INTS6: variants seen among roughly 807,000 people sequenced by gnomAD.
INTS6 encodes integrator complex subunit 6, also known as DEAD box protein.
A neutral mutation model predicts 104.9 loss-of-function variants in INTS6; 16 were observed. The observed-to-expected ratio is 0.15, with a 90% CI of 0.10 to 0.23. The LOEUF (loss-of-function observed/expected upper bound fraction) is 0.23, where lower values mean the gene tolerates loss of function less well. Ranked by LOEUF, INTS6 falls within the 10% of genes least tolerant of loss-of-function variation. The pLI is 1.00. For missense variants in INTS6, 584 were observed against 1,062.8 expected, an observed-to-expected ratio of 0.55 and a Z score of 6.26; for synonymous variants, 324 against 358.7, an observed-to-expected ratio of 0.90 and a Z score of 1.09.
At chr13:51,430,519 ATT>A in intron 3 of INTS6, 136 bp from the exon 4 acceptor site, 2 of 553,500 alleles carry the variant, frequency 3.6e-6, no homozygotes, top group Non-Finnish European at 6.2e-6. Flanking sequence ...CTGTTTGTAC[ATT>A]TTAAGAAAAG....
intron 4 of INTS6, chr13:51,422,976 T>C (rs116927067): frequency 0.011 from 10,981 of 990,228 alleles, 78 homozygotes; most frequent in Non-Finnish European, 0.014. Flanking sequence ...GAACCTTCTG[T>C]TTATTTCTGC....
intron 4 of INTS6, among the ~76,000 whole-genome samples, chr13:51,420,161 T>G (rs1463012806): frequency 6.6e-6 from 1 of 152,162 alleles, no homozygotes; most frequent in Non-Finnish European, 1.5e-5. Context: ...CAGAATTTCC[T>G]TTGTATAAAT....
chr13:51,365,927 A>G (rs1195545361), intron 17 of INTS6, 82 bp from the exon 18 acceptor site: 15 of 714,288 alleles, frequency 2.1e-5, no homozygotes, highest in Non-Finnish European at 3.3e-5. Context: ...GAAAGGAGAG[A>G]AAATTTTGGG....
chr13:51,449,397 A>C (rs7997510), intron 3 of INTS6: 4 of 872,510 alleles, frequency 4.6e-6, no homozygotes, highest in Non-Finnish European at 5.5e-6. Context: ...CTGGGGGCAG[A>C]TATCAACTGG....
intron 8 of INTS6, 24 bp downstream of exon 8, chr13:51,383,565 G>A (rs1956089414): frequency 6.2e-7 from 1 of 1,605,924 alleles, no homozygotes; most frequent in Non-Finnish European, 8.5e-7. Context: ...AAATTTTGGG[G>A]TCACTGTAAG....
At chr13:51,385,009 CCTAA>C (rs1285802930) in intron 7 of INTS6, 17 of 206,744 alleles carry the variant, frequency 8.2e-5, no homozygotes, top group African/African-American at 3.8e-4. Flanking sequence ...CAGCCAATCA[CCTAA>C]AAATAGGGTC....
chr13:51,436,183 A>T (rs1952682974), intron 3 of INTS6, among the ~76,000 whole-genome samples: 1 of 152,144 alleles, frequency 6.6e-6, no homozygotes, highest in Non-Finnish European at 1.5e-5. Flanking sequence ...GAAAGGAAGT[A>T]AACAATTGGG....
intron 4 of INTS6, among the ~76,000 whole-genome samples, chr13:51,427,079 A>C (rs1030617369): frequency 1.3e-5 from 2 of 152,176 alleles, no homozygotes; most frequent in Admixed American, 1.3e-4. Flanking sequence ...ACTCCTGAAA[A>C]ACAGCACCAA....
chr13:51,358,126 T>A (rs1245478036), downstream of INTS6, among the ~76,000 whole-genome samples: 1 of 152,062 alleles, frequency 6.6e-6, no homozygotes, highest in South Asian at 2.1e-4. Context: ...TTCTTAGCAC[T>A]CTCTCTCCCT....
chr13:51,450,760 A>C (rs942206524), intron 3 of INTS6: 2 of 1,078,798 alleles, frequency 1.9e-6, no homozygotes, highest in African/African-American at 3.3e-5. Context: ...CTGAACTTTC[A>C]AGGGATTAAA....
intron 6 of INTS6, among the ~76,000 whole-genome samples, chr13:51,388,377 TTTTTTG>T (rs569751540): frequency 1.6e-4 from 25 of 151,932 alleles, no homozygotes; most frequent in East Asian, 9.7e-4. Flanking sequence ...TGTTTTGTTT[TTTTTTG>T]TTTTTGTTTT....
In INTS6 at chr13:51,417,122, C is replaced by A. The variant is rs148712358; in HGVS notation, c.429+13172G>T. Among the ~76,000 whole-genome samples, 4 of 152,228 alleles carry A rather than the reference C, an allele frequency of 2.6e-5. No homozygotes were observed. In the East Asian group the frequency reaches 7.7e-4, roughly 29 times the overall value. On this transcript the variant is annotated intron_variant, in intron 4 of 17. Transcript: ENST00000311234. ...TTCTTTATATATTCTGGATATCATG[C>A]CCTTCACAGATAAATGATTTGCAAA... is the stretch of plus-strand genomic sequence containing the variant.
At chr13:51,368,765 T>C (rs762653681) in intron 16 of INTS6, among the ~76,000 whole-genome samples, 174 bp downstream of exon 16, 1 of 152,186 alleles carries the variant, frequency 6.6e-6, no homozygotes, top group African/African-American at 2.4e-5. Context: ...ACCTTGGAAA[T>C]AGAAGATATT....
At chr13:51,383,068 G>C (rs2137919865) in intron 9 of INTS6, among the ~76,000 whole-genome samples, 1 of 151,948 alleles carries the variant, frequency 6.6e-6, no homozygotes, top group Admixed American at 6.5e-5. Flanking sequence ...GTGACAGAGC[G>C]AGACTCCGTC....
chr13:51,427,566 G>A (rs190425553), intron 4 of INTS6, among the ~76,000 whole-genome samples: 50 of 152,144 alleles, frequency 3.3e-4, no homozygotes, highest in South Asian at 1.0e-3. Flanking sequence ...TTGCTCCAAC[G>A]AGAGTCTCGT....
chr13:51,335,779 T>C, the INTS6 span: 1 of 152,230 alleles, frequency 6.6e-6, no homozygotes, highest in Non-Finnish European at 1.5e-5. Context: ...CAGGATCAGA[T>C]GCATGCATAG....
At chr13:51,414,986 A>G (rs1459344940) in intron 4 of INTS6, among the ~76,000 whole-genome samples, 1 of 152,180 alleles carries the variant, frequency 6.6e-6, no homozygotes, top group Admixed American at 6.5e-5. Context: ...TCGAAAGTCA[A>G]GAATATCCAA....
chr13:51,369,324 T>TA lies in INTS6; in HGVS notation c.2105-15dup. 1 of 1,584,786 alleles carries TA rather than the reference T, an allele frequency of 6.3e-7. No homozygotes were observed. Among genetic ancestry groups the TA allele is most frequent in the East Asian group, 2.2e-5 (1 of 44,488 alleles). Reference sequence around the variant, plus strand: ...TGGTTTCTGAAACTAAAAACAAAGATACGGGGAAAAAATTATGGGATCCAG... The same window carrying TA: ...TGGTTTCTGAAACTAAAAACAAAGATAACGGGGAAAAAATTATGGGATCCAG... On this transcript the variant is annotated splice_polypyrimidine_tract_variant and intron_variant, in intron 15 of 17. Coordinates refer to ENST00000311234, the MANE Select transcript of INTS6 (RefSeq NM_012141.3).
At chr13:51,433,487 C>T (rs1957134807) in intron 3 of INTS6, among the ~76,000 whole-genome samples, 1 of 152,082 alleles carries the variant, frequency 6.6e-6, no homozygotes, top group Non-Finnish European at 1.5e-5. Flanking sequence ...AGTCTGACAC[C>T]CATTCACTTT....
Sources: gnomAD v4.1 joint callset for allele counts (sites outside exome capture counted in the v4.1 genomes callset) on GRCh38, gnomAD v4.1.1 for gene constraint, MANE v1.5 for transcripts, NCBI Gene and HGNC (gene_info 2026-07-23, HGNC 2026-07-21) for gene names.